Variants in POC1A observed in about 807,000 individuals in gnomAD.
POC1A encodes POC1 centriolar protein homolog A.
Under a neutral mutation model 47.8 loss-of-function variants are expected in POC1A, and 34 were observed. That is an observed-to-expected ratio of 0.71 (90% CI 0.54 to 0.95). The LOEUF (loss-of-function observed/expected upper bound fraction) is 0.95. POC1A is among the 40% of genes least tolerant of loss of function. The probability of loss-of-function intolerance (pLI) is 0.00; values close to 1 mark genes in which losing one functional copy is unlikely to be tolerated. For missense variants in POC1A, 466 were observed against 528.3 expected (o/e 0.88, Z 1.16); for synonymous variants, 177 against 207.6 (o/e 0.85, Z 1.27).
At position 52,149,913 on chromosome 3, in the gene POC1A, G is replaced by T. The variant is rs1221780668; in HGVS notation, c.178C>A (p.His60Asn). The T allele has an allele frequency of 6.2e-7, 1 of 1,613,862 alleles. No homozygotes were observed. The highest frequency in any genetic ancestry group is 8.5e-7 in the Non-Finnish European group (1 of 1,180,032). The change falls in exon 3 of 11, where the codon CAC becomes AAC. Residue 60 changes from histidine to asparagine, a missense_variant. Physicochemically the swap from His to Asn is moderately conservative, Grantham distance 68 (BLOSUM62 1). Coordinates refer to ENST00000296484, the MANE Select transcript of POC1A (RefSeq NM_015426.5). ...TTCACACAGGTGACGGCATCCTTGT[G>T]GCCAGTGAAGCGGTAGGCGCGTGAC... ...PQSRAYRFTG[H>N]KDAVTCVNFS...
At chr3:52,110,133 A>C (rs970530591) in intron 9 of POC1A, among the ~76,000 whole-genome samples, 6 of 152,226 alleles carry the variant, frequency 3.9e-5, no homozygotes, top group Admixed American at 3.3e-4. Flanking sequence ...CACAGACGTG[A>C]GAATGCTTTG....
At chr3:52,089,176 G>A (rs1702562484) in intron 10 of POC1A, among the ~76,000 whole-genome samples, 1 of 151,978 alleles carries the variant, frequency 6.6e-6, no homozygotes, top group Non-Finnish European at 1.5e-5. Context: ...CACGAAGGAG[G>A]CAGGGCACTG....
chr3:52,138,356 G>A (rs1459099321), intron 6 of POC1A, 54 bp from the exon 7 acceptor site: 3 of 1,567,774 alleles, frequency 1.9e-6, no homozygotes, highest in Non-Finnish European at 2.6e-6. Context: ...GAGCACAGCT[G>A]AAGCCCAAGA....
At chr3:52,116,674 C>T (rs568798505) in intron 9 of POC1A, among the ~76,000 whole-genome samples, 1 of 152,134 alleles carries the variant, frequency 6.6e-6, no homozygotes, top group Non-Finnish European at 1.5e-5. Context: ...GCCCACTGTC[C>T]CTCACCCCAG....
chr3:52,098,777 C>T (rs146209735), intron 9 of POC1A, among the ~76,000 whole-genome samples: 5 of 152,348 alleles, frequency 3.3e-5, no homozygotes, highest in African/African-American at 4.8e-5. Context: ...GTCCAGCAAT[C>T]GCCATGGTTT....
chr3:52,150,854 G>A (rs534688476), intron 2 of POC1A, among the ~76,000 whole-genome samples, 162 bp downstream of exon 2: 1 of 152,224 alleles, frequency 6.6e-6, no homozygotes, highest in South Asian at 2.1e-4. Context: ...AGCTCATGAA[G>A]CCCAGTGCCC....
intron 1 of POC1A, among the ~76,000 whole-genome samples, chr3:52,151,928 G>GAACA (rs1055050877): frequency 6.6e-5 from 10 of 150,614 alleles, no homozygotes; most frequent in African/African-American, 1.2e-4. Context: ...ACAAACAAAC[G>GAACA]AACAAACAAA....
chr3:52,105,295 T>C (rs1306693086), intron 9 of POC1A, among the ~76,000 whole-genome samples: 1 of 152,202 alleles, frequency 6.6e-6, no homozygotes, highest in African/African-American at 2.4e-5. Flanking sequence ...ACCCCCATGA[T>C]TAAATATTTT....
At chr3:52,081,250 C>T (rs1702270611) in intron 10 of POC1A, among the ~76,000 whole-genome samples, 1 of 152,228 alleles carries the variant, frequency 6.6e-6, no homozygotes, top group South Asian at 2.1e-4. Flanking sequence ...TGGTCTCTGG[C>T]TGCCTTCTGG....
At chr3:52,139,548 C>A (rs1204280089) in intron 6 of POC1A, among the ~76,000 whole-genome samples, 1 of 152,216 alleles carries the variant, frequency 6.6e-6, no homozygotes, top group Non-Finnish European at 1.5e-5. Flanking sequence ...GCTGCCTTCT[C>A]CAGGAAGCCT....
intron 10 of POC1A, among the ~76,000 whole-genome samples, chr3:52,078,494 T>C (rs895252252): frequency 2.7e-5 from 4 of 149,274 alleles, no homozygotes; most frequent in Non-Finnish European, 5.9e-5. Context: ...CAGTGAAACA[T>C]GGAAATCTCT....
intron 4 of POC1A, among the ~76,000 whole-genome samples, chr3:52,148,250 C>A (rs1212044103): frequency 6.6e-6 from 1 of 152,230 alleles, no homozygotes; most frequent in East Asian, 1.9e-4. Context: ...GGACTTGACA[C>A]CCCAGTTTGC....
chr3:52,105,162 C>T (rs1703133654), intron 9 of POC1A, among the ~76,000 whole-genome samples: 1 of 152,160 alleles, frequency 6.6e-6, no homozygotes, highest in South Asian at 2.1e-4. Context: ...TCTCACTCAC[C>T]CTTCCTGTAC....
chr3:52,121,927 C>T (rs982705690), intron 9 of POC1A, among the ~76,000 whole-genome samples: 3 of 152,134 alleles, frequency 2.0e-5, no homozygotes, highest in South Asian at 2.1e-4. Flanking sequence ...AACTTCCTCT[C>T]CATGGTTAGA....
In POC1A at chr3:52,136,486, C is replaced by G. The variant is rs1704470046; in HGVS notation, c.813+1683G>C. Among the ~76,000 whole-genome samples, 6 of 152,194 alleles carry G rather than the reference C, an allele frequency of 3.9e-5. No homozygotes were observed. In the South Asian group the frequency reaches 1.2e-3, roughly 32 times the overall value. ...AGAGCTATAACATCCATTTCCTATC[C>G]CTGGTGCCCAGCCCCGTGAGCTAGA... On this transcript the variant is annotated intron_variant, in intron 7 of 10. Transcript: ENST00000296484.
chr3:52,147,305 T>C (rs112333511), intron 4 of POC1A, among the ~76,000 whole-genome samples: 2 of 152,240 alleles, frequency 1.3e-5, no homozygotes, highest in African/African-American at 4.8e-5. Flanking sequence ...TAGGAGGCAA[T>C]GTTACTTCTG....
chr3:52,147,032 G>A lies in POC1A; in HGVS notation c.519C>T (p.Asp173=), dbSNP rs200641941. 8.1e-6 allele frequency: 13 copies of A among 1,614,150 alleles called. No individual in the cohort carries two copies. The East Asian group carries it at 2.5e-4, about 30-fold the overall frequency. ...ASDDKTVKLW[D]KSSRECVHSY... ...AGTGGACACATTCCCGGCTGCTCTT[G>A]TCCCACAGCTTAACAGTCTTGTCAT... is the stretch of plus-strand genomic sequence containing the variant. Residue 173 remains aspartate, a synonymous_variant, in exon 5 of 11, where the codon GAC becomes GAT. Coordinates refer to ENST00000296484, the MANE Select transcript of POC1A (RefSeq NM_015426.5).
intron 7 of POC1A, among the ~76,000 whole-genome samples, chr3:52,131,041 G>A (rs534324225): frequency 3.3e-5 from 5 of 152,140 alleles, no homozygotes; most frequent in South Asian, 2.1e-4. Flanking sequence ...TGGCGGGGGC[G>A]CATGGCACCG....
intron 7 of POC1A, among the ~76,000 whole-genome samples, chr3:52,128,629 C>T (rs1260956024): frequency 6.6e-6 from 1 of 152,106 alleles, no homozygotes; most frequent in Non-Finnish European, 1.5e-5. Flanking sequence ...AGAGACTGTC[C>T]ACTGCTGACA....
Sources: allele counts gnomAD v4.1 joint callset (sites outside exome capture counted in the v4.1 genomes callset), GRCh38; gene constraint gnomAD v4.1.1; transcripts MANE v1.5; gene names NCBI Gene and HGNC (gene_info 2026-07-23, HGNC 2026-07-21).